Variants in SMC1B observed in about 807,000 individuals in gnomAD.
SMC1B encodes the protein structural maintenance of chromosomes 1B.
A neutral mutation model predicts 157.9 loss-of-function variants in SMC1B; 60 were observed. The ratio of observed to expected loss-of-function variants is 0.38; its 90% confidence interval spans 0.31 to 0.47. SMC1B has a LOEUF of 0.47. Ranked by LOEUF, SMC1B falls within the 20% of genes least tolerant of loss-of-function variation. SMC1B has a pLI of 0.99. For synonymous variants in SMC1B, 445 were observed against 483.0 expected (o/e 0.92, Z 1.03); for missense variants, 1,165 against 1,426.2 (o/e 0.82, Z 2.95).
intron 19 of SMC1B, among the ~76,000 whole-genome samples, chr22:45,356,581 A>G (rs915437192): frequency 6.6e-6 from 1 of 152,204 alleles, no homozygotes; most frequent in African/African-American, 2.4e-5. Context: ...CTGAATCCAT[A>G]TATCGCAAGA....
Position 45,363,407 on chromosome 22 carries a change from C to T in SMC1B, c.2421-381G>A, listed in dbSNP as rs779773145. ...TTTAAAAATTTTCTTTTATTCTGGG[C>T]GCAGTGGCTCATGCCTGTAATCCCG... On this transcript the variant is annotated intron_variant, in intron 15 of 24. Transcript: ENST00000357450. Among the ~76,000 whole-genome samples the T allele has an allele frequency of 5.9e-5, 9 of 152,124 alleles. No homozygotes were observed. The South Asian group carries it at 6.2e-4, about 11-fold the overall frequency.
intron 20 of SMC1B, 100 bp downstream of exon 20, chr22:45,354,859 T>C (rs2086654558): frequency 4.5e-6 from 5 of 1,115,226 alleles, no homozygotes; most frequent in Non-Finnish European, 6.5e-6. Flanking sequence ...GGAAAAAATC[T>C]ATAACAAAAA....
chr22:45,369,052 T>C (rs960679291), intron 15 of SMC1B, among the ~76,000 whole-genome samples: 2 of 152,312 alleles, frequency 1.3e-5, no homozygotes, highest in South Asian at 2.1e-4. Flanking sequence ...TACCACTTAC[T>C]ATCTACATAT....
Position 45,354,118 on chromosome 22 carries a change from T to C in SMC1B, c.3133A>G (p.Arg1045Gly). The C allele has an allele frequency of 6.4e-7, 1 of 1,567,914 alleles. No individual in the cohort carries two copies. Residue 1045 changes from arginine to glycine, a missense_variant, in exon 21 of 25, where the codon AGA (arginine) becomes GGA (glycine). Physicochemically the swap from Arg to Gly is moderately radical, Grantham distance 125. Coordinates refer to ENST00000357450, the MANE Select transcript of SMC1B (RefSeq NM_148674.5). Reference protein sequence around the residue: ...QESTDAFEASRKEARLCRQEF... With the variant: ...QESTDAFEASGKEARLCRQEF... Reference sequence around the variant, plus strand: ...TGCCTACACAGTCTGGCTTCCTTTCTGCTGGCCTCAAAAGCTAAGAGAGAA... The same window carrying C: ...TGCCTACACAGTCTGGCTTCCTTTCCGCTGGCCTCAAAAGCTAAGAGAGAA...
At position 45,383,449 on chromosome 22, in the gene SMC1B, T is replaced by G. The variant is rs1332133832; in HGVS notation, c.2058+18A>C. ...TTATTCTACTTAGTATATTACAACT[T>G]TTATGACATGGATTTACCTTTAGCT... On this transcript the variant is annotated intron_variant, in intron 12 of 24. Transcript: ENST00000357450. The G allele has an allele frequency of 4.5e-6, 7 of 1,566,762 alleles. No individual in the cohort carries two copies. The highest frequency in any genetic ancestry group is 6.0e-6 in the Non-Finnish European group (7 of 1,163,784).
intron 12 of SMC1B, among the ~76,000 whole-genome samples, chr22:45,373,631 C>A (rs533411954): frequency 1.1e-3 from 167 of 152,320 alleles, no homozygotes; most frequent in African/African-American, 3.8e-3. Context: ...AAACTATAAC[C>A]TAACTTCCTC....
At chr22:45,360,092 T>C in intron 17 of SMC1B, 134 bp from the exon 18 acceptor site, 1 of 647,620 alleles carries the variant, frequency 1.5e-6, no homozygotes, top group Non-Finnish European at 2.6e-6. Flanking sequence ...TCTAGAATCC[T>C]CTCATTGATG....
chr22:45,389,937 TA>T (rs769051098), intron 9 of SMC1B, 40 bp from the exon 10 acceptor site: 1 of 1,492,288 alleles, frequency 6.7e-7, no homozygotes, highest in Non-Finnish European at 9.2e-7. Context: ...ACAGATATAT[TA>T]GAGTGAAATA....
chr22:45,392,015 G>C (rs895076232), intron 9 of SMC1B, among the ~76,000 whole-genome samples: 3 of 151,970 alleles, frequency 2.0e-5, no homozygotes, highest in African/African-American at 7.3e-5. Flanking sequence ...GAGCGCAGTG[G>C]TGCTCACTGC....
chr22:45,355,436 T>C (rs2086660318), intron 19 of SMC1B, among the ~76,000 whole-genome samples: 1 of 152,210 alleles, frequency 6.6e-6, no homozygotes, highest in Non-Finnish European at 1.5e-5. Flanking sequence ...ATGGAAGCTA[T>C]TCAGTCTTTG....
chr22:45,388,733 T>C (rs1602081124), intron 10 of SMC1B, among the ~76,000 whole-genome samples: 1 of 151,952 alleles, frequency 6.6e-6, no homozygotes, highest in Non-Finnish European at 1.5e-5. Context: ...TCCCAGCACT[T>C]TGGGAGACCG....
At position 45,354,023 on chromosome 22, in the gene SMC1B, T is replaced by G; in HGVS notation, c.3228A>C (p.Ser1076=). The G allele has an allele frequency of 6.3e-7, 1 of 1,597,888 alleles. No individual in the cohort carries two copies. Among genetic ancestry groups the G allele is most frequent in the Non-Finnish European group, 8.5e-7 (1 of 1,174,290 alleles). The change falls in exon 21 of 25, where the codon TCA becomes TCC. Residue 1076 remains serine, a synonymous_variant. Transcript: ENST00000357450. ...FTQCFEHVSI[S]IDQIYKKLCR... ...AGAGCTTCTTGTAGATTTGATCAAT[T>G]GAGATTGAGACATGCTCAAAACACT...
chr22:45,377,944 G>A (rs767127085), intron 12 of SMC1B, among the ~76,000 whole-genome samples: 10 of 151,910 alleles, frequency 6.6e-5, no homozygotes, highest in Non-Finnish European at 1.5e-5. Context: ...GACCTCCCAG[G>A]CTTAAGTGTT....
At chr22:45,374,827 TTTG>T (rs1382292338) in intron 12 of SMC1B, among the ~76,000 whole-genome samples, 1 of 152,182 alleles carries the variant, frequency 6.6e-6, no homozygotes, top group Admixed American at 6.5e-5. Flanking sequence ...TTCTTCTTTT[TTTG>T]TTGTTCTTCC....
chr22:45,406,972 A>G, intron 2 of SMC1B, 107 bp from the exon 3 acceptor site: 1 of 686,474 alleles, frequency 1.5e-6, no homozygotes, highest in Non-Finnish European at 2.3e-6. Context: ...ATGGCCAGTT[A>G]TATAATAATA....
chr22:45,369,506 T>C (rs1476330312), intron 15 of SMC1B, among the ~76,000 whole-genome samples: 1 of 151,864 alleles, frequency 6.6e-6, no homozygotes, highest in Non-Finnish European at 1.5e-5. Context: ...AAAAGTTAGA[T>C]CTCTTTGTAA....
intron 5 of SMC1B, among the ~76,000 whole-genome samples, chr22:45,401,466 G>A (rs2087192405): frequency 6.6e-6 from 1 of 152,228 alleles, no homozygotes; most frequent in Non-Finnish European, 1.5e-5. Context: ...CCTTTTCTTT[G>A]TCACCACGTG....
intron 9 of SMC1B, among the ~76,000 whole-genome samples, chr22:45,390,574 G>A (rs372401372): frequency 1.1e-4 from 16 of 152,018 alleles, no homozygotes; most frequent in African/African-American, 2.2e-4. Context: ...GCGTGGTGGC[G>A]CACGCCTGCA....
chr22:45,345,300 A>G (rs567913813), intron 24 of SMC1B, among the ~76,000 whole-genome samples, 159 bp downstream of exon 24: 95 of 152,170 alleles, frequency 6.2e-4, no homozygotes, highest in Non-Finnish European at 1.3e-3. Context: ...TGTATTGTCT[A>G]GGAAAGCACC....
Sources: allele counts gnomAD v4.1 joint callset (sites outside exome capture counted in the v4.1 genomes callset), GRCh38; gene constraint gnomAD v4.1.1; transcripts MANE v1.5; gene names NCBI Gene and HGNC (gene_info 2026-07-23, HGNC 2026-07-21).